The following CEP112 variants were observed in gnomAD, a reference collection of about 807,000 sequenced individuals.
The protein encoded by CEP112 is centrosomal protein 112.
A neutral mutation model predicts 153.0 loss-of-function variants in CEP112; 127 were observed. The observed-to-expected ratio is 0.83, with a 90% CI of 0.72 to 0.96. The LOEUF is 0.96. Ranked by LOEUF, CEP112 falls within the 40% of genes least tolerant of loss-of-function variation. The probability of loss-of-function intolerance (pLI) is 0.00; values close to 1 mark genes in which losing one functional copy is unlikely to be tolerated. For synonymous variants in CEP112, 358 were observed against 374.4 expected, an observed-to-expected ratio of 0.96 and a Z score of 0.51; for missense variants, 1,089 against 1,101.2, an observed-to-expected ratio of 0.99 and a Z score of 0.16.
At chr17:65,739,747 A>T (rs535795959) in intron 23 of CEP112, among the ~76,000 whole-genome samples, 3 of 152,072 alleles carry the variant, frequency 2.0e-5, no homozygotes, top group African/African-American at 7.2e-5. Flanking sequence ...AAAAAAAAAA[A>T]TCTACTCTTA....
chr17:65,942,066 T>C (rs901204223), intron 18 of CEP112, among the ~76,000 whole-genome samples: 1 of 152,152 alleles, frequency 6.6e-6, no homozygotes, highest in African/African-American at 2.4e-5. Flanking sequence ...CCCAGGGCCA[T>C]GGACTGGTAC....
At chr17:65,995,575 C>T (rs1217161611) in intron 17 of CEP112, among the ~76,000 whole-genome samples, 1 of 152,176 alleles carries the variant, frequency 6.6e-6, no homozygotes, top group East Asian at 1.9e-4. Flanking sequence ...CCCAGCACTT[C>T]CCTCAGTGGG....
chr17:66,096,158 T>A, intron 8 of CEP112, 93 bp downstream of exon 8: 1 of 816,514 alleles, frequency 1.2e-6, no homozygotes, highest in Non-Finnish European at 1.9e-6. Flanking sequence ...TCCTAGAATA[T>A]ACCATTATTT....
At chr17:65,777,212 C>A (rs11871101) in intron 21 of CEP112, among the ~76,000 whole-genome samples, 1 of 152,226 alleles carries the variant, frequency 6.6e-6, no homozygotes, top group East Asian at 1.9e-4. Context: ...ATTCTGATGC[C>A]TAGGCTTTAA....
intron 11 of CEP112, among the ~76,000 whole-genome samples, chr17:66,056,259 C>G (rs2066682706): frequency 6.6e-6 from 1 of 152,172 alleles, no homozygotes; most frequent in African/African-American, 2.4e-5. Flanking sequence ...CAACAGAAAT[C>G]TGTCCCAAAT....
At chr17:65,762,275 T>C (rs535058430) in intron 21 of CEP112, among the ~76,000 whole-genome samples, 27 of 152,176 alleles carry the variant, frequency 1.8e-4, no homozygotes, top group Middle Eastern at 6.8e-3. Context: ...AGTGTTAGTA[T>C]GGTATATATT....
intron 21 of CEP112, among the ~76,000 whole-genome samples, chr17:65,839,927 G>A (rs960783207): frequency 2.6e-5 from 4 of 151,218 alleles, no homozygotes; most frequent in Non-Finnish European, 5.9e-5. Context: ...TTACAGCAGC[G>A]ATAAAAAAAA....
At chr17:65,975,945 G>A (rs1038960247) in intron 17 of CEP112, among the ~76,000 whole-genome samples, 1 of 152,206 alleles carries the variant, frequency 6.6e-6, no homozygotes, top group Non-Finnish European at 1.5e-5. Context: ...ATCCCAAGAA[G>A]TTACCATTTG....
chr17:65,847,988 T>C (rs935671543), intron 21 of CEP112, among the ~76,000 whole-genome samples: 8 of 152,160 alleles, frequency 5.3e-5, no homozygotes, highest in African/African-American at 1.7e-4. Context: ...AGCCGAGGGC[T>C]GAGGTAGGCC....
At chr17:65,937,520 G>C (rs1482466294) in intron 18 of CEP112, among the ~76,000 whole-genome samples, 4 of 140,012 alleles carry the variant, frequency 2.9e-5, no homozygotes, top group East Asian at 2.4e-4. Context: ...CGTCTGAGAA[G>C]TGAGGAGCCC....
At position 65,698,281 on chromosome 17, in the gene CEP112, C is replaced by T. The variant is rs148739199; in HGVS notation, c.2608-9063G>A. ...AGCTATTGCTATAGTACTTATTAGG[C>T]TACTGATTCAACATCAAAGGCAAAA... On this transcript the variant is annotated intron_variant, in intron 23 of 26. Transcript: ENST00000535342. Among the ~76,000 whole-genome samples, 870 of 152,260 alleles carry T rather than the reference C, an allele frequency of 5.7e-3. 5 individuals are homozygous for T. Among genetic ancestry groups the T allele is most frequent in the Non-Finnish European group, 8.9e-3 (605 of 68,024 alleles).
chr17:65,990,468 GAGA>G (rs1846144150), intron 17 of CEP112, among the ~76,000 whole-genome samples: 1 of 152,212 alleles, frequency 6.6e-6, no homozygotes, highest in Non-Finnish European at 1.5e-5. Flanking sequence ...GTGCTCTTGG[GAGA>G]AGGAGAGCAC....
chr17:65,664,780 T>C (rs2143920436), intron 24 of CEP112, among the ~76,000 whole-genome samples: 1 of 152,342 alleles, frequency 6.6e-6, no homozygotes, highest in Non-Finnish European at 1.5e-5. Flanking sequence ...GGTTTCCTGG[T>C]TTCCACTTGT....
At chr17:65,879,537 G>A (rs1362123892) in intron 20 of CEP112, among the ~76,000 whole-genome samples, 2 of 151,954 alleles carry the variant, frequency 1.3e-5, no homozygotes, top group African/African-American at 2.4e-5. Context: ...TTTCCCTTTC[G>A]TAAATGTGAC....
At chr17:65,831,170 G>T (rs2057061219) in intron 21 of CEP112, among the ~76,000 whole-genome samples, 2 of 152,174 alleles carry the variant, frequency 1.3e-5, no homozygotes, top group African/African-American at 2.4e-5. Flanking sequence ...AAACTCAGGG[G>T]AATATGACAC....
At position 66,129,802 on chromosome 17, in the gene CEP112, G is replaced by A. The variant is rs763973796; in HGVS notation, c.586C>T (p.Pro196Ser). 1 of 1,611,412 alleles carries A rather than the reference G, an allele frequency of 6.2e-7. No individual in the cohort carries two copies. Residue 196 changes from proline to serine, a missense_variant, in exon 6 of 27, where the codon CCT becomes TCT. Coordinates refer to ENST00000535342, the MANE Select transcript of CEP112 (RefSeq NM_001199165.4). Reference sequence around the variant, plus strand: ...ATGTCACTATCATCCAAAGAAACAGGAGATTTTTTCGAATAAACTTCCTGA... The same window carrying A: ...ATGTCACTATCATCCAAAGAAACAGAAGATTTTTTCGAATAAACTTCCTGA... ...KICEVYSKKS[P>S]VSLDDSDIEA...
At chr17:66,165,213 G>A (rs576957222) in intron 4 of CEP112, among the ~76,000 whole-genome samples, 3 of 148,282 alleles carry the variant, frequency 2.0e-5, no homozygotes, top group African/African-American at 4.9e-5. Context: ...CAGAAGATTC[G>A]GATCTGGTAC....
intron 23 of CEP112, among the ~76,000 whole-genome samples, chr17:65,704,480 C>T (rs568179501): frequency 6.6e-6 from 1 of 151,772 alleles, no homozygotes; most frequent in South Asian, 2.1e-4. Context: ...CTACCCAGTC[C>T]TACTAGACCT....
intron 21 of CEP112, among the ~76,000 whole-genome samples, chr17:65,758,629 C>A (rs557436204): frequency 1.7e-4 from 26 of 152,226 alleles, no homozygotes; most frequent in Admixed American, 4.6e-4. Context: ...ATATTTAAGG[C>A]AAGCCCAGAT....
Sources: allele counts gnomAD v4.1 joint callset (sites outside exome capture counted in the v4.1 genomes callset), GRCh38; gene constraint gnomAD v4.1.1; transcripts MANE v1.5; gene names NCBI Gene and HGNC (gene_info 2026-07-23, HGNC 2026-07-21).